The following SPOCK1 variants were observed in gnomAD, a reference collection of about 807,000 sequenced individuals.
SPOCK1 encodes the protein testican-1.
A neutral mutation model predicts 55.3 loss-of-function variants in SPOCK1; 23 were observed. The observed-to-expected ratio is 0.42, with a 90% CI of 0.30 to 0.59. SPOCK1 has a LOEUF of 0.59. SPOCK1 is among the 20% of genes least tolerant of loss of function. The pLI is 0.22. For missense variants in SPOCK1, 499 were observed against 552.5 expected (o/e 0.90, Z 0.97); for synonymous variants, 226 against 221.0 (o/e 1.02, Z -0.20).
chr5:137,348,917 C>G (rs1022970128), intron 2 of SPOCK1, among the ~76,000 whole-genome samples: 2 of 152,196 alleles, frequency 1.3e-5, no homozygotes, highest in African/African-American at 4.8e-5. Flanking sequence ...CAATACAGCT[C>G]TAACACTGCC....
At chr5:137,396,427 C>T (rs1199501377) in intron 2 of SPOCK1, among the ~76,000 whole-genome samples, 3 of 152,180 alleles carry the variant, frequency 2.0e-5, no homozygotes, top group Non-Finnish European at 4.4e-5. Flanking sequence ...TCCTTTAAAA[C>T]TAAGTTAGGG....
intron 6 of SPOCK1, among the ~76,000 whole-genome samples, chr5:137,006,958 G>T (rs1003010779): frequency 6.6e-6 from 1 of 152,118 alleles, no homozygotes; most frequent in African/African-American, 2.4e-5. Context: ...AGAAATCGTG[G>T]TTTTTGTCAC....
Position 137,480,016 on chromosome 5 carries a change from G to A in SPOCK1, c.186+18357C>T, listed in dbSNP as rs147249618. On this transcript the variant is annotated intron_variant, in intron 2 of 10. Transcript: ENST00000394945. ...CCCACTCAGACTCCTCAAGCCACAA[G>A]TCAAGACTGTGCAGGGGAACAGGAA... Among the ~76,000 whole-genome samples the A allele has an allele frequency of 1.2e-3, 188 of 152,238 alleles. No homozygotes were observed. The East Asian group carries it at 0.02, about 16-fold the overall frequency.
chr5:137,082,425 C>G (rs1752890699), intron 5 of SPOCK1, among the ~76,000 whole-genome samples: 1 of 152,110 alleles, frequency 6.6e-6, no homozygotes, highest in Non-Finnish European at 1.5e-5. Flanking sequence ...GGTGGGGATG[C>G]TTATGGAGAA....
intron 6 of SPOCK1, among the ~76,000 whole-genome samples, chr5:137,007,885 A>G (rs1399738462): frequency 6.6e-6 from 1 of 152,122 alleles, no homozygotes; most frequent in Non-Finnish European, 1.5e-5. Context: ...ACTTGGAACC[A>G]ACCCAAATGC....
At position 137,308,451 on chromosome 5, in the gene SPOCK1, C is replaced by T. The variant is rs191128505; in HGVS notation, c.187-41396G>A. Among the ~76,000 whole-genome samples the T allele has an allele frequency of 3.3e-3, 506 of 152,322 alleles. 2 individuals carry two copies. The highest frequency in any genetic ancestry group is 4.1e-3 in the Non-Finnish European group (279 of 68,036). On this transcript the variant is annotated intron_variant, in intron 2 of 10. Coordinates refer to ENST00000394945, the MANE Select transcript of SPOCK1 (RefSeq NM_004598.4). ...GAAGGTAGAAAACCAGAAGCCAGGGCATTTCTCCCCAGCTTCCCCTGCTTT... is the reference window on the plus strand; with the variant it reads ...GAAGGTAGAAAACCAGAAGCCAGGGTATTTCTCCCCAGCTTCCCCTGCTTT...
chr5:137,417,151 G>A (rs900515087), intron 2 of SPOCK1, among the ~76,000 whole-genome samples: 13 of 151,864 alleles, frequency 8.6e-5, no homozygotes, highest in Non-Finnish European at 1.3e-4. Flanking sequence ...TTTTCTTAAT[G>A]GGGACTTTCT....
intron 2 of SPOCK1, among the ~76,000 whole-genome samples, chr5:137,272,367 A>C (rs1390982342): frequency 6.6e-6 from 1 of 152,198 alleles, no homozygotes; most frequent in Non-Finnish European, 1.5e-5. Context: ...CATTATGTAA[A>C]TGCTTCTGTT....
intron 2 of SPOCK1, among the ~76,000 whole-genome samples, chr5:137,333,888 A>T (rs576297493): frequency 1.3e-5 from 2 of 152,182 alleles, no homozygotes; most frequent in African/African-American, 2.4e-5. Context: ...AATGACCTCT[A>T]CTACTACTTA....
chr5:137,241,899 C>T (rs1331237279), intron 3 of SPOCK1, among the ~76,000 whole-genome samples: 1 of 152,186 alleles, frequency 6.6e-6, no homozygotes, highest in Non-Finnish European at 1.5e-5. Flanking sequence ...CATCTTCTGA[C>T]CCAGCAGCTC....
At chr5:137,357,537 C>T (rs1045906436) in intron 2 of SPOCK1, among the ~76,000 whole-genome samples, 3 of 152,186 alleles carry the variant, frequency 2.0e-5, no homozygotes, top group East Asian at 1.9e-4. Context: ...GGGAAGGCTA[C>T]GCAGAGAAAG....
At chr5:137,498,339 G>A (rs777226252) in intron 2 of SPOCK1, 34 bp downstream of exon 2, 9 of 1,522,448 alleles carry the variant, frequency 5.9e-6, no homozygotes, top group South Asian at 1.2e-5. Context: ...GAGAGGCTCC[G>A]CGCCCCCCAG....
intron 2 of SPOCK1, among the ~76,000 whole-genome samples, chr5:137,316,269 A>G (rs1561502463): frequency 6.6e-6 from 1 of 152,218 alleles, no homozygotes; most frequent in African/African-American, 2.4e-5. Flanking sequence ...TCATCTCTCA[A>G]AGGACCCACC....
intron 6 of SPOCK1, among the ~76,000 whole-genome samples, chr5:137,029,547 G>A (rs1022468875): frequency 1.4e-4 from 22 of 152,348 alleles, no homozygotes; most frequent in African/African-American, 5.1e-4. Context: ...TAGTGGAAGA[G>A]CTGGGATTAG....
chr5:137,024,317 G>GGGGC (rs1751629004), intron 6 of SPOCK1, among the ~76,000 whole-genome samples: 2 of 89,160 alleles, frequency 2.2e-5, no homozygotes, highest in African/African-American at 3.2e-5. Flanking sequence ...AGTTTGAAGG[G>GGGGC]GGGGGGGTAG....
intron 3 of SPOCK1, among the ~76,000 whole-genome samples, chr5:137,213,615 T>C (rs1382754335): frequency 6.6e-6 from 1 of 152,238 alleles, no homozygotes; most frequent in Non-Finnish European, 1.5e-5. Context: ...GACCTGGTTC[T>C]AGTACTGTCT....
At chr5:137,411,083 C>T (rs919567102) in intron 2 of SPOCK1, among the ~76,000 whole-genome samples, 1 of 152,144 alleles carries the variant, frequency 6.6e-6, no homozygotes, top group Non-Finnish European at 1.5e-5. Flanking sequence ...CTCTTACGGA[C>T]CGGGCACTGT....
intron 2 of SPOCK1, among the ~76,000 whole-genome samples, chr5:137,324,962 G>GA (rs5871633): frequency 0.23 from 32,843 of 140,052 alleles, 3,790 homozygotes; most frequent in East Asian, 0.39. Context: ...GCTCAATCCT[G>GA]AAAAAAAAAA....
intron 2 of SPOCK1, among the ~76,000 whole-genome samples, chr5:137,417,304 C>T (rs1752357358): frequency 7.0e-6 from 1 of 143,444 alleles, no homozygotes; most frequent in Admixed American, 7.0e-5. Context: ...ACATTTTACT[C>T]TGACGTTCAG....
Sources: allele counts gnomAD v4.1 joint callset (sites outside exome capture counted in the v4.1 genomes callset), GRCh38; gene constraint gnomAD v4.1.1; transcripts MANE v1.5; gene names NCBI Gene and HGNC (gene_info 2026-07-23, HGNC 2026-07-21).